Variants in LRP5 observed in about 807,000 individuals in gnomAD.
LRP5 encodes LDL receptor related protein 5, also known as low-density lipoprotein receptor-related protein 5.
A neutral mutation model predicts 154.1 loss-of-function variants in LRP5; 62 were observed. That is an observed-to-expected ratio of 0.40 (90% confidence interval 0.33 to 0.50). The LOEUF (loss-of-function observed/expected upper bound fraction) is 0.50. LRP5 is among the 20% of genes least tolerant of loss of function. The probability of loss-of-function intolerance (pLI) is 0.55; values close to 1 mark genes in which losing one functional copy is unlikely to be tolerated. For missense variants in LRP5, 1,915 were observed against 2,336.7 expected, an observed-to-expected ratio of 0.82 and a Z score of 3.72; for synonymous variants, 966 against 1,011.5, an observed-to-expected ratio of 0.96 and a Z score of 0.85.
intron 5 of LRP5, among the ~76,000 whole-genome samples, chr11:68,381,212 G>A (rs2098640064): frequency 2.0e-5 from 3 of 152,184 alleles, no homozygotes; most frequent in Non-Finnish European, 2.9e-5. Flanking sequence ...TGGAGCCTTC[G>A]GAGGGAGTCT....
intron 7 of LRP5, among the ~76,000 whole-genome samples, chr11:68,395,774 C>T (rs568745200): frequency 1.2e-4 from 19 of 152,234 alleles, no homozygotes; most frequent in South Asian, 8.3e-4. Flanking sequence ...CCTCCTGCCC[C>T]GGGACACCTC....
Position 68,447,838 on chromosome 11 carries a change from G to A in LRP5, c.4587-971G>A, listed in dbSNP as rs1054632306. On this transcript the variant is annotated intron_variant, in intron 22 of 22. Transcript: ENST00000294304. This position sits in a 1 kb window ranked among gnomAD's most constrained non-coding sequence, Gnocchi z 4.3. ...AGTCTGAACTCACACAGTGGGATGC[G>A]GCGTTTCTGGGCCACAGTTGGGTGC... 1.3e-5 allele frequency among the ~76,000 whole-genome samples: 2 copies of A among 152,144 alleles called. No homozygotes were observed. The highest frequency in any genetic ancestry group is 2.9e-5 in the Non-Finnish European group (2 of 68,018).
intron 6 of LRP5, among the ~76,000 whole-genome samples, chr11:68,388,806 G>A (rs954523879): frequency 3.3e-5 from 5 of 152,150 alleles, no homozygotes; most frequent in African/African-American, 1.2e-4. Context: ...GGGCTGGTGT[G>A]GTGAAACCCG....
At position 68,348,265 on chromosome 11, in the gene LRP5, C is replaced by A. The variant is rs181468537; in HGVS notation, c.488+22C>A. The A allele has an allele frequency of 6.0e-5, 96 of 1,601,784 alleles. No individual in the cohort carries two copies. The East Asian group carries it at 2.0e-3, about 34-fold the overall frequency. On this transcript the variant is annotated intron_variant, in intron 2 of 22. Coordinates refer to ENST00000294304, the MANE Select transcript of LRP5 (RefSeq NM_002335.4). ...ACGGGTAAACCCTGCTGCGACTCCACCTGGGTCCAGGGGGCGGGGAGTGTC... is the reference window on the plus strand; with the variant it reads ...ACGGGTAAACCCTGCTGCGACTCCAACTGGGTCCAGGGGGCGGGGAGTGTC...
chr11:68,387,782 G>A (rs1344086100), intron 6 of LRP5, among the ~76,000 whole-genome samples: 3 of 152,202 alleles, frequency 2.0e-5, no homozygotes, highest in Non-Finnish European at 2.9e-5. Context: ...CAGAGGAGCT[G>A]GGAGGTCAGT....
At chr11:68,344,262 A>G (rs2098610851) in intron 1 of LRP5, among the ~76,000 whole-genome samples, 2 of 152,142 alleles carry the variant, frequency 1.3e-5, no homozygotes, top group Non-Finnish European at 1.5e-5. Flanking sequence ...CTTTTGTGAG[A>G]GGTCAATGTC....
At chr11:68,303,463 G>A in the LRP5 span, among the ~76,000 whole-genome samples, 8,015 of 152,222 alleles carry the variant, frequency 0.053, 263 homozygotes, top group Middle Eastern at 0.089. Context: ...GATGACCCAG[G>A]ACATCTGGGG....
At chr11:68,374,390 G>A (rs1165932283) in intron 5 of LRP5, among the ~76,000 whole-genome samples, 6 of 152,246 alleles carry the variant, frequency 3.9e-5, no homozygotes, top group Non-Finnish European at 8.8e-5. Context: ...GCCGGGCAGT[G>A]ATTGGCGTTG....
chr11:68,348,318 C>A (rs879283665), intron 2 of LRP5, 75 bp downstream of exon 2: 10 of 1,577,570 alleles, frequency 6.3e-6, no homozygotes, highest in Non-Finnish European at 8.6e-6. Flanking sequence ...TTTGCATGAG[C>A]CCAAGTTGTT....
chr11:68,307,096 T>C, the LRP5 span, among the ~76,000 whole-genome samples: 2 of 151,912 alleles, frequency 1.3e-5, no homozygotes, highest in Non-Finnish European at 2.9e-5. Context: ...GCAGGAGAAT[T>C]GCTTGAACCC....
chr11:68,330,935 C>T (rs2098602406), intron 1 of LRP5, among the ~76,000 whole-genome samples: 1 of 152,232 alleles, frequency 6.6e-6, no homozygotes, highest in South Asian at 2.1e-4. Flanking sequence ...TGCCCAGTGC[C>T]TCCTGTTCAG....
At chr11:68,425,755 A>C (rs1366014779) in intron 15 of LRP5, among the ~76,000 whole-genome samples, 4 of 152,126 alleles carry the variant, frequency 2.6e-5, no homozygotes, top group Non-Finnish European at 5.9e-5. Flanking sequence ...GTTGGAACTG[A>C]TGGCCTTCAT....
Position 68,414,148 on chromosome 11 carries a change from G to A in LRP5, c.2827+136G>A, listed in dbSNP as rs150366250. 1.8e-3 allele frequency: 1,441 copies of A among 819,774 alleles called. 18 individuals carry two copies. The African/African-American group carries it at 0.022, about 12-fold the overall frequency. 50.8% of individuals were successfully genotyped at this position (819,774 alleles called of 1,614,324 possible). A position where few individuals can be genotyped will look rare whatever the true frequency, so the allele number is the denominator to read the frequency against. On this transcript the variant is annotated intron_variant, in intron 12 of 22. Transcript: ENST00000294304. ...GTTGGGTAGGTTGTGCACTGCACAAGCTGCATGATGCTACCTGGGGGTCCA... is the reference window on the plus strand; with the variant it reads ...GTTGGGTAGGTTGTGCACTGCACAAACTGCATGATGCTACCTGGGGGTCCA...
chr11:68,404,024 C>G (rs1191985815), intron 8 of LRP5: 1 of 471,460 alleles, frequency 2.1e-6, no homozygotes, highest in Non-Finnish European at 3.9e-6. Flanking sequence ...TTGCCCTACT[C>G]GCACTGGGGA....
At chr11:68,407,882 G>T (rs186758399) in intron 9 of LRP5, among the ~76,000 whole-genome samples, 1 of 152,078 alleles carries the variant, frequency 6.6e-6, no homozygotes, top group Non-Finnish European at 1.5e-5. Flanking sequence ...TAACCAAAGC[G>T]CATCTGTTTA....
chr11:68,329,167 G>C (rs1289848049), intron 1 of LRP5, among the ~76,000 whole-genome samples: 1 of 152,256 alleles, frequency 6.6e-6, no homozygotes, highest in East Asian at 1.9e-4. Context: ...TGTGGGGTAC[G>C]TGTTTAATGA....
intron 1 of LRP5, among the ~76,000 whole-genome samples, chr11:68,328,542 G>C (rs1002532593): frequency 6.6e-6 from 1 of 152,172 alleles, no homozygotes; most frequent in Non-Finnish European, 1.5e-5. Flanking sequence ...TGGGGGAGGG[G>C]CTGGGACGTC....
chr11:68,355,953 C>T (rs888341811), intron 2 of LRP5, among the ~76,000 whole-genome samples: 7 of 152,016 alleles, frequency 4.6e-5, no homozygotes, highest in African/African-American at 1.7e-4. Flanking sequence ...CATTCTCCTG[C>T]CTCAGCCTCC....
At chr11:68,357,110 T>G (rs1416949591) in intron 2 of LRP5, among the ~76,000 whole-genome samples, 1 of 152,148 alleles carries the variant, frequency 6.6e-6, no homozygotes, top group African/African-American at 2.4e-5. Context: ...TAATGTTTTG[T>G]ATTTTTAGTA....
Sources: allele counts gnomAD v4.1 joint callset (sites outside exome capture counted in the v4.1 genomes callset), GRCh38; gene constraint gnomAD v4.1.1; non-coding constraint Gnocchi (gnomAD v3.1); transcripts MANE v1.5; gene names NCBI Gene and HGNC (gene_info 2026-07-23, HGNC 2026-07-21).